The following IL16 variants were observed in gnomAD, a reference collection of about 807,000 sequenced individuals.
IL16 encodes pro-interleukin-16.
IL16 carries 67 observed loss-of-function variants against 110.1 expected under a neutral mutation model. The ratio of observed to expected loss-of-function variants is 0.61; its 90% confidence interval spans 0.50 to 0.75. The LOEUF is 0.75. IL16 is among the 30% of genes least tolerant of loss of function. The pLI is 0.00. For synonymous variants in IL16, 689 were observed against 662.9 expected (o/e 1.04, Z -0.61); for missense variants, 1,545 against 1,655.0 (o/e 0.93, Z 1.15).
At chr15:81,249,585 C>T (rs968610428) in intron 2 of IL16, among the ~76,000 whole-genome samples, 11 of 152,140 alleles carry the variant, frequency 7.2e-5, no homozygotes, top group Non-Finnish European at 5.9e-5. Context: ...TGAAGTTAAT[C>T]TGTCTTTTCT....
chr15:81,245,724 C>CTTTTTTTTTTTTTTTTTTTTTT (rs1009292228), intron 2 of IL16, among the ~76,000 whole-genome samples: 6 of 61,270 alleles, frequency 9.8e-5, no homozygotes, highest in African/African-American at 3.4e-4. Flanking sequence ...TTTGTTTTGG[C>CTTTTTTTTTTTTTTTTTTTTTT]TTTTTTTTTT....
At chr15:81,289,519 C>T (rs1415228007) in intron 10 of IL16, among the ~76,000 whole-genome samples, 1 of 152,142 alleles carries the variant, frequency 6.6e-6, no homozygotes, top group Non-Finnish European at 1.5e-5. Flanking sequence ...TTGCATTTAC[C>T]TAATCATTAG....
intron 9 of IL16, among the ~76,000 whole-genome samples, chr15:81,284,020 AAAAGAG>A (rs1468562064): frequency 2.1e-5 from 3 of 146,288 alleles, no homozygotes; most frequent in African/African-American, 5.2e-5. Flanking sequence ...AAAAAAAAAA[AAAAGAG>A]AGAGAGAAGA....
At chr15:81,290,134 G>A (rs1472542379) in intron 10 of IL16, 9 of 397,268 alleles carry the variant, frequency 2.3e-5, no homozygotes, top group South Asian at 6.5e-5. Context: ...TGCCAAGAAC[G>A]GACTAGCTCA....
chr15:81,290,941 TTAATTCTTA>T (rs1449834454), intron 11 of IL16, among the ~76,000 whole-genome samples: 1 of 152,250 alleles, frequency 6.6e-6, no homozygotes, highest in Admixed American at 6.5e-5. Context: ...TGACATTTAT[TTAATTCTTA>T]TAATTCTTAT....
At chr15:81,308,275 T>G (rs1270690771) in intron 18 of IL16, among the ~76,000 whole-genome samples, 6 of 152,218 alleles carry the variant, frequency 3.9e-5, no homozygotes, top group Non-Finnish European at 7.3e-5. Flanking sequence ...AAGCAGGGTC[T>G]GGGCAGGACT....
intron 12 of IL16, chr15:81,295,363 T>C (rs1208444755): frequency 8.1e-7 from 1 of 1,229,404 alleles, no homozygotes; most frequent in African/African-American, 1.6e-5. Context: ...ATGAAGAGGA[T>C]GCAATATTGG....
intron 1 of IL16, among the ~76,000 whole-genome samples, chr15:81,214,943 A>AT (rs1442537588): frequency 6.6e-6 from 1 of 152,022 alleles, no homozygotes; most frequent in African/African-American, 2.4e-5. Flanking sequence ...GTAGTATGAA[A>AT]TTTTTGTAGT....
At chr15:81,190,973 G>A (rs147362954) in intron 1 of IL16, among the ~76,000 whole-genome samples, 1 of 152,324 alleles carries the variant, frequency 6.6e-6, no homozygotes, top group African/African-American at 2.4e-5. Context: ...ACAAGGAACA[G>A]TAGATAGACT....
At chr15:81,221,338 C>T (rs1444749512) in intron 1 of IL16, among the ~76,000 whole-genome samples, 1 of 152,160 alleles carries the variant, frequency 6.6e-6, no homozygotes, top group Non-Finnish European at 1.5e-5. Flanking sequence ...CCACCAGAGG[C>T]AGAGAAAATC....
In IL16 at chr15:81,220,407, G is replaced by A. The variant is rs373722513; in HGVS notation, c.-101-4892G>A. On this transcript the variant is annotated intron_variant, in intron 1 of 18. Transcript: ENST00000683961. ...TGAGCTCAAGCAAATCACCCACCTC[G>A]GCATCCCAAAGTGTTGGGATTACAG... Among the ~76,000 whole-genome samples, 12 of 152,216 alleles carry A rather than the reference G, an allele frequency of 7.9e-5. No homozygotes were observed. In the East Asian group the frequency reaches 9.7e-4, roughly 12 times the overall value.
intron 2 of IL16, among the ~76,000 whole-genome samples, chr15:81,251,685 A>C (rs1440978019): frequency 1.3e-5 from 2 of 152,244 alleles, no homozygotes; most frequent in African/African-American, 4.8e-5. Flanking sequence ...TAGACTAACT[A>C]GATTCTTAGG....
intron 2 of IL16, among the ~76,000 whole-genome samples, chr15:81,249,634 G>A (rs1192227216): frequency 1.3e-5 from 2 of 151,994 alleles, no homozygotes; most frequent in Non-Finnish European, 2.9e-5. Context: ...ATGTTTTAGT[G>A]TTTTGCAGTT....
At chr15:81,214,658 C>G (rs192715848) in intron 1 of IL16, among the ~76,000 whole-genome samples, 23 of 152,070 alleles carry the variant, frequency 1.5e-4, no homozygotes, top group Admixed American at 1.4e-3. Context: ...CTCATATTTG[C>G]ATATCAACCT....
At chr15:81,197,864 C>A (rs946548256) in intron 1 of IL16, among the ~76,000 whole-genome samples, 2 of 151,924 alleles carry the variant, frequency 1.3e-5, no homozygotes, top group African/African-American at 4.8e-5. Context: ...TGAAATCCTC[C>A]CACTTCAGGC....
intron 1 of IL16, among the ~76,000 whole-genome samples, chr15:81,187,770 C>T (rs529829471): frequency 2.5e-4 from 38 of 152,328 alleles, no homozygotes; most frequent in African/African-American, 8.4e-4. Context: ...CCTTTGCCTG[C>T]AAAGGCCCCC....
intron 1 of IL16, among the ~76,000 whole-genome samples, chr15:81,220,132 A>G (rs1896564332): frequency 6.6e-6 from 1 of 152,056 alleles, no homozygotes; most frequent in Admixed American, 6.6e-5. Context: ...ATGGAATCCT[A>G]TTAAAGATAC....
At chr15:81,253,726 G>A (rs1897848953) in intron 2 of IL16, among the ~76,000 whole-genome samples, 1 of 152,162 alleles carries the variant, frequency 6.6e-6, no homozygotes, top group Non-Finnish European at 1.5e-5. Context: ...TTTTAAAATA[G>A]TTTTTCTATA....
At position 81,269,541 on chromosome 15, in the gene IL16, A is replaced by T. The variant is rs769074564; in HGVS notation, c.568A>T (p.Thr190Ser). The T allele has an allele frequency of 1.2e-5, 20 of 1,612,490 alleles. No individual in the cohort carries two copies. In the South Asian group the frequency reaches 2.2e-4, roughly 18 times the overall value. Reference protein sequence around the residue: ...LDCPAGKAAGTSRPTRSLSTA... With the variant: ...LDCPAGKAAGSSRPTRSLSTA... ...CTACTCTGGTTCCTTGTTGCAGGGA[A>T]CTTCGAGACCAACACGGTCCCTGAG... The change falls in exon 5 of 19, where the codon ACT becomes TCT. Residue 190 changes from threonine (T) to serine (S), a missense_variant. Thr to Ser is a moderately conservative substitution (Grantham distance 58). Coordinates refer to ENST00000683961, the MANE Select transcript of IL16 (RefSeq NM_172217.5).
Sources: allele counts gnomAD v4.1 joint callset (sites outside exome capture counted in the v4.1 genomes callset), GRCh38; gene constraint gnomAD v4.1.1; transcripts MANE v1.5; gene names NCBI Gene and HGNC (gene_info 2026-07-23, HGNC 2026-07-21).